KIT: variants seen among roughly 807,000 people sequenced by gnomAD.
KIT encodes the protein KIT proto-oncogene, receptor tyrosine kinase.
KIT carries 16 observed loss-of-function variants against 105.7 expected under a neutral mutation model. The ratio of observed to expected loss-of-function variants is 0.15; its 90% CI spans 0.10 to 0.23. The LOEUF is 0.23. Among genes scored for constraint, KIT ranks in the 10% least tolerant of loss-of-function variants. The pLI is 1.00. For synonymous variants in KIT, 438 were observed against 441.1 expected, an observed-to-expected ratio of 0.99 and a Z score of 0.09; for missense variants, 858 against 1,213.8, an observed-to-expected ratio of 0.71 and a Z score of 4.36.
chr4:54,661,843 A>G (rs1051735239), intron 1 of KIT, among the ~76,000 whole-genome samples: 8 of 152,186 alleles, frequency 5.3e-5, no homozygotes, highest in African/African-American at 1.9e-4. Flanking sequence ...GTTGAGTCAT[A>G]GAGAGGAATT....
rs989349608 is a variant in KIT at position 54,674,132 on chromosome 4, C to CA, written c.67+16051_67+16052insA. On this transcript the variant is annotated intron_variant, in intron 1 of 20. Transcript: ENST00000288135. ...AACTCTACTTTCCTATATCCTAAGA[C>CA]TTTTTTTTTGTCCCTACCCACACTG... 1.3e-4 allele frequency among the ~76,000 whole-genome samples: 20 copies of CA among 151,470 alleles called. 1 individual carries two copies. The highest frequency in any genetic ancestry group is 7.2e-4 in the Admixed American group (11 of 15,182).
chr4:54,713,870 C>T (rs1721306803), intron 7 of KIT, among the ~76,000 whole-genome samples: 1 of 152,078 alleles, frequency 6.6e-6, no homozygotes, highest in African/African-American at 2.4e-5. Context: ...CTGTTTCTAA[C>T]CTCTCTAATC....
At chr4:54,738,400 T>C (rs1184793928) in intron 20 of KIT, 29 bp from the exon 21 acceptor site, 2 of 1,613,608 alleles carry the variant, frequency 1.2e-6, no homozygotes, top group African/African-American at 1.3e-5. Flanking sequence ...TAGGGACTGC[T>C]GTATTGACTA....
Position 54,727,246 on chromosome 4 carries a change from T to C in KIT, c.1569T>C (p.Thr523=). ...KEQIHPHTLF[T]PLLIGFVIVA... ...AAATCCATCCCCACACCCTGTTCAC[T>C]CCTTTGCTGATTGGTTTCGTAATCG... Residue 523 remains threonine, a synonymous_variant, in exon 10 of 21, where the codon ACT becomes ACC. Transcript: ENST00000288135. The C allele has an allele frequency of 6.2e-7, 1 of 1,614,166 alleles. No homozygotes were observed. The highest frequency in any genetic ancestry group is 1.1e-5 in the South Asian group (1 of 91,084).
At chr4:54,660,327 G>A (rs1717162774) in intron 1 of KIT, among the ~76,000 whole-genome samples, 1 of 152,126 alleles carries the variant, frequency 6.6e-6, no homozygotes, top group Admixed American at 6.5e-5. Flanking sequence ...CTAACAGGAT[G>A]AACCTGCTAG....
chr4:54,666,372 C>T (rs577073272), intron 1 of KIT, among the ~76,000 whole-genome samples: 3 of 152,028 alleles, frequency 2.0e-5, no homozygotes, highest in African/African-American at 4.8e-5. Flanking sequence ...CTCCACCTCC[C>T]GGGTTCAAGT....
chr4:54,691,906 A>C (rs757425301), intron 1 of KIT, among the ~76,000 whole-genome samples: 1 of 152,118 alleles, frequency 6.6e-6, no homozygotes, highest in East Asian at 1.9e-4. Flanking sequence ...GAGAGGGGGA[A>C]GTCAGGTAGG....
At chr4:54,709,375 C>T in intron 6 of KIT, 49 bp from the exon 7 acceptor site, 1 of 1,169,066 alleles carries the variant, frequency 8.6e-7, no homozygotes, top group Non-Finnish European at 1.3e-6. Context: ...GACATGCCTT[C>T]CAAGGCATGC....
rs121913516 is a variant in KIT at position 54,729,353 on chromosome 4, C to T, written c.2009C>T (p.Thr670Ile). Reference sequence around the variant, plus strand: ...CTTTTAGGGCCCACCCTGGTCATTACAGAATATTGTTGCTATGGTGATCTT... The same window carrying T: ...CTTTTAGGGCCCACCCTGGTCATTATAGAATATTGTTGCTATGGTGATCTT... ...CTIGGPTLVI[T>I]EYCCYGDLLN... Residue 670 changes from threonine to isoleucine, a missense_variant, in exon 14 of 21, where the codon ACA becomes ATA. Physicochemically the swap from Thr to Ile is moderately conservative, Grantham distance 89 (BLOSUM62 -1). Around this residue, in one of 7 missense-constraint regions of KIT, gnomAD observed 158 missense variants for 218.7 expected, o/e 0.72. Transcript: ENST00000288135. The T allele has an allele frequency of 1.9e-6, 3 of 1,613,636 alleles. No homozygotes were observed. Among genetic ancestry groups the T allele is most frequent in the Admixed American group, 3.3e-5 (2 of 60,000 alleles).
chr4:54,658,181 G>A, intron 1 of KIT, 100 bp downstream of exon 1: 1 of 1,214,870 alleles, frequency 8.2e-7, no homozygotes, highest in Non-Finnish European at 1.2e-6. Context: ...AGAGGACTGC[G>A]GGCCCTCAGT....
chr4:54,684,482 C>T (rs1051480093), intron 1 of KIT, among the ~76,000 whole-genome samples: 2 of 152,192 alleles, frequency 1.3e-5, no homozygotes, highest in East Asian at 1.9e-4. Flanking sequence ...TCTGGCTATC[C>T]CTCCCCTCAG....
intron 1 of KIT, among the ~76,000 whole-genome samples, chr4:54,684,363 G>A (rs1719162345): frequency 6.6e-6 from 1 of 152,252 alleles, no homozygotes; most frequent in East Asian, 1.9e-4. Flanking sequence ...CTCCTGAAAA[G>A]AGTAGGTCCA....
chr4:54,691,067 A>G (rs898740588), intron 1 of KIT, among the ~76,000 whole-genome samples: 1 of 152,038 alleles, frequency 6.6e-6, no homozygotes, highest in African/African-American at 2.4e-5. Flanking sequence ...GGAGGGATGC[A>G]TGGCTGTTTG....
intron 8 of KIT, 113 bp downstream of exon 8, chr4:54,723,811 GTT>G (rs922337473): frequency 2.6e-6 from 2 of 762,396 alleles, no homozygotes; most frequent in Non-Finnish European, 4.5e-6. Context: ...TTTGATTATT[GTT>G]TTTTTTCTAG....
At chr4:54,720,016 C>T (rs1278564051) in intron 7 of KIT, among the ~76,000 whole-genome samples, 1 of 152,128 alleles carries the variant, frequency 6.6e-6, no homozygotes, top group Non-Finnish European at 1.5e-5. Context: ...TAAGGAGGTG[C>T]TCTCACAGAT....
intron 7 of KIT, among the ~76,000 whole-genome samples, chr4:54,712,525 ATTTGC>A (rs1721226185): frequency 6.6e-6 from 1 of 151,894 alleles, no homozygotes; most frequent in Non-Finnish European, 1.5e-5. Context: ...TCATGCTTCC[ATTTGC>A]CAGTGTGTGG....
chr4:54,677,671 A>G (rs1306408630), intron 1 of KIT, among the ~76,000 whole-genome samples: 2 of 151,838 alleles, frequency 1.3e-5, no homozygotes, highest in Admixed American at 1.3e-4. Flanking sequence ...GAAGATACGC[A>G]CTCCTTTGCC....
intron 1 of KIT, among the ~76,000 whole-genome samples, chr4:54,682,872 C>T (rs192370229): frequency 6.6e-6 from 1 of 152,116 alleles, no homozygotes; most frequent in African/African-American, 2.4e-5. Context: ...GTGCCTCAGC[C>T]TCCTGAGTAG....
chr4:54,695,901 C>T, intron 2 of KIT, 120 bp downstream of exon 2: 2 of 1,146,194 alleles, frequency 1.7e-6, no homozygotes, highest in East Asian at 5.0e-5. Flanking sequence ...GTCTAGAAGG[C>T]CTAAAACACA....
Sources: gnomAD v4.1 joint callset for allele counts (sites outside exome capture counted in the v4.1 genomes callset) on GRCh38, gnomAD v4.1.1 for gene constraint, gnomAD v4.1.1 regional missense constraint, MANE v1.5 for transcripts, NCBI Gene and HGNC (gene_info 2026-07-23, HGNC 2026-07-21) for gene names.